The following MAGI2 variants were observed in gnomAD, a reference collection of about 807,000 sequenced individuals.
MAGI2 encodes the protein membrane associated guanylate kinase, WW and PDZ domain containing 2.
In MAGI2, 35 loss-of-function variants were observed where a neutral mutation model predicts 133.3. The ratio of observed to expected loss-of-function variants is 0.26; its 90% confidence interval spans 0.20 to 0.35. The LOEUF (loss-of-function observed/expected upper bound fraction) is 0.35. Among genes scored for constraint, MAGI2 ranks in the 10% least tolerant of loss-of-function variants. MAGI2 has a pLI of 1.00. For missense variants in MAGI2, 1,636 were observed against 1,863.4 expected (o/e 0.88, Z 2.25); for synonymous variants, 729 against 710.6 (o/e 1.03, Z -0.41).
intron 2 of MAGI2, among the ~76,000 whole-genome samples, chr7:78,705,613 T>C (rs1394157835): frequency 6.6e-6 from 1 of 152,100 alleles, no homozygotes; most frequent in Non-Finnish European, 1.5e-5. Flanking sequence ...CTGATTCCAG[T>C]GGACTGTGAA....
chr7:79,060,904 C>T (rs1451874119), intron 1 of MAGI2, among the ~76,000 whole-genome samples: 3 of 152,182 alleles, frequency 2.0e-5, no homozygotes, highest in Admixed American at 6.5e-5. Context: ...AGAAAGAAAA[C>T]AACATACTCT....
Position 78,099,234 on chromosome 7 carries a change from A to G in MAGI2, c.3568-20149T>C, listed in dbSNP as rs564662962. On this transcript the variant is annotated intron_variant, in intron 20 of 21. Coordinates refer to ENST00000354212, the MANE Select transcript of MAGI2 (RefSeq NM_012301.4). ...TAGATGTTTAAGAGGTCTTCTTTAG[A>G]AAATGAAAAGCATTTTTCTCAAAGA... 1.1e-4 allele frequency among the ~76,000 whole-genome samples: 17 copies of G among 152,346 alleles called. 2 individuals carry two copies. The South Asian group carries it at 3.5e-3, about 32-fold the overall frequency.
chr7:78,416,250 G>T (rs2191330), intron 6 of MAGI2, among the ~76,000 whole-genome samples: 86,553 of 151,932 alleles, frequency 0.57, 24,900 homozygotes, highest in East Asian at 0.71. Context: ...TATGATGAGA[G>T]GCAGGTGCCA....
chr7:78,994,124 G>T (rs1485368285), intron 2 of MAGI2, among the ~76,000 whole-genome samples: 1 of 152,052 alleles, frequency 6.6e-6, no homozygotes, highest in Non-Finnish European at 1.5e-5. Context: ...AAACCAGTAG[G>T]AGTCTTGGAG....
chr7:78,754,540 G>C (rs1268512538), intron 2 of MAGI2, among the ~76,000 whole-genome samples: 1 of 152,068 alleles, frequency 6.6e-6, no homozygotes, highest in Non-Finnish European at 1.5e-5. Flanking sequence ...GCAGAGTATA[G>C]CCTGTACACA....
Position 78,163,133 on chromosome 7 carries a change from T to A in MAGI2, c.2597-2860A>T, listed in dbSNP as rs867021140. On this transcript the variant is annotated intron_variant, in intron 15 of 21. Coordinates refer to ENST00000354212, the MANE Select transcript of MAGI2 (RefSeq NM_012301.4). ...CTAAAGTCAAATAATTAGTTTAGTT[T>A]GTTTGTTTGTTTGTTTTGTTTTGAG... Among the ~76,000 whole-genome samples the A allele has an allele frequency of 5.3e-5, 8 of 152,082 alleles. No individual in the cohort carries two copies. In the South Asian group the frequency reaches 6.2e-4, roughly 12 times the overall value.
At chr7:78,264,810 ATG>A (rs1215852843) in intron 9 of MAGI2, among the ~76,000 whole-genome samples, 8 of 152,150 alleles carry the variant, frequency 5.3e-5, no homozygotes, top group African/African-American at 1.4e-4. Flanking sequence ...TCTGATGAAA[ATG>A]TGGAAAGCTG....
chr7:78,317,020 A>ATTTGC (rs1787481364), intron 9 of MAGI2, among the ~76,000 whole-genome samples: 1 of 103,786 alleles, frequency 9.6e-6, no homozygotes, highest in East Asian at 3.4e-4. Context: ...TATATGAATT[A>ATTTGC]TTTGCTTATT....
At chr7:78,936,943 T>C (rs1284989251) in intron 2 of MAGI2, among the ~76,000 whole-genome samples, 1 of 151,970 alleles carries the variant, frequency 6.6e-6, no homozygotes, top group Non-Finnish European at 1.5e-5. Flanking sequence ...CTCTATATAC[T>C]GAAAGGGCCC....
At chr7:79,229,728 CAT>C (rs1474724065) in intron 1 of MAGI2, among the ~76,000 whole-genome samples, 4 of 151,994 alleles carry the variant, frequency 2.6e-5, no homozygotes, top group African/African-American at 9.7e-5. Flanking sequence ...TGACTTCTCA[CAT>C]ATATTCTTTT....
At chr7:78,788,858 T>C (rs1178631772) in intron 2 of MAGI2, among the ~76,000 whole-genome samples, 4 of 152,154 alleles carry the variant, frequency 2.6e-5, no homozygotes, top group African/African-American at 9.7e-5. Context: ...ACCTTCCCAT[T>C]ACAGCTGACA....
intron 2 of MAGI2, among the ~76,000 whole-genome samples, chr7:78,986,845 C>T (rs1293022281): frequency 6.6e-6 from 1 of 152,010 alleles, no homozygotes; most frequent in Non-Finnish European, 1.5e-5. Context: ...TCCATTTTCT[C>T]TCTTGCTCCC....
intron 2 of MAGI2, among the ~76,000 whole-genome samples, chr7:78,930,236 G>A (rs1399086620): frequency 6.6e-6 from 1 of 152,066 alleles, no homozygotes; most frequent in Non-Finnish European, 1.5e-5. Context: ...TAAGTATTTT[G>A]ATTTTCTAGA....
chr7:79,061,368 G>A (rs538725620), intron 1 of MAGI2, among the ~76,000 whole-genome samples: 1 of 151,504 alleles, frequency 6.6e-6, no homozygotes, highest in Non-Finnish European at 1.5e-5. Context: ...CAAGCTCAAC[G>A]AGGCTGAGAA....
At chr7:79,208,660 C>G (rs1829259056) in intron 1 of MAGI2, among the ~76,000 whole-genome samples, 1 of 151,894 alleles carries the variant, frequency 6.6e-6, no homozygotes, top group Non-Finnish European at 1.5e-5. Context: ...ACCATATGAT[C>G]CAGCAATCCA....
At chr7:78,649,822 G>A (rs1280774155) in intron 2 of MAGI2, among the ~76,000 whole-genome samples, 11 of 152,130 alleles carry the variant, frequency 7.2e-5, no homozygotes, top group Admixed American at 7.2e-4. Flanking sequence ...CGTCTGAACA[G>A]TCCTCATTTG....
chr7:79,389,743 T>C (rs1006765286), intron 1 of MAGI2, among the ~76,000 whole-genome samples: 4 of 149,854 alleles, frequency 2.7e-5, no homozygotes, highest in Admixed American at 1.3e-4. Flanking sequence ...GTGTATATAA[T>C]GGGGTAGGGG....
intron 2 of MAGI2, among the ~76,000 whole-genome samples, chr7:78,949,843 C>T (rs746009846): frequency 1.3e-5 from 2 of 152,180 alleles, no homozygotes; most frequent in African/African-American, 2.4e-5. Flanking sequence ...CTAGCTGTTT[C>T]ACTCGGAAAT....
intron 20 of MAGI2, among the ~76,000 whole-genome samples, chr7:78,080,252 C>G (rs1169910155): frequency 6.6e-6 from 1 of 152,166 alleles, no homozygotes; most frequent in African/African-American, 2.4e-5. Context: ...GGTAAGGGTT[C>G]CACTGTAATG....
Sources: allele counts gnomAD v4.1 joint callset (sites outside exome capture counted in the v4.1 genomes callset), GRCh38; gene constraint gnomAD v4.1.1; transcripts MANE v1.5; gene names NCBI Gene and HGNC (gene_info 2026-07-23, HGNC 2026-07-21).